Variants in DCDC2 observed in about 807,000 individuals in gnomAD.
The protein encoded by DCDC2 is doublecortin domain containing 2.
DCDC2 carries 40 observed loss-of-function variants against 50.2 expected under a neutral mutation model. The observed-to-expected ratio is 0.80, with a 90% CI of 0.62 to 1.04. The LOEUF is 1.04. DCDC2 is among the 50% of genes least tolerant of loss of function. The pLI, the probability that DCDC2 is intolerant of heterozygous loss-of-function variation, is 0.00. For missense variants in DCDC2, 570 were observed against 581.9 expected, an observed-to-expected ratio of 0.98 and a Z score of 0.21; for synonymous variants, 234 against 210.6, an observed-to-expected ratio of 1.11 and a Z score of -0.96.
chr6:24,315,391 C>T (rs533275265), intron 2 of DCDC2, among the ~76,000 whole-genome samples: 1 of 152,262 alleles, frequency 6.6e-6, no homozygotes, highest in East Asian at 1.9e-4. Context: ...AAGGAAGAGA[C>T]AGGCCCTAAG....
chr6:24,366,579 A>G, the DCDC2 span, among the ~76,000 whole-genome samples: 1 of 152,228 alleles, frequency 6.6e-6, no homozygotes, highest in Admixed American at 6.5e-5. Context: ...TGTTTGTTAA[A>G]TGAATTAATC....
chr6:24,212,093 A>C (rs899840740), intron 7 of DCDC2, among the ~76,000 whole-genome samples: 2 of 151,964 alleles, frequency 1.3e-5, no homozygotes, highest in Non-Finnish European at 2.9e-5. Flanking sequence ...AGGAGCACAA[A>C]CCGTATTGTG....
In DCDC2 at chr6:24,228,164, G is replaced by C. The variant is rs12215925; in HGVS notation, c.923-23062C>G. On this transcript the variant is annotated intron_variant, in intron 7 of 9. Coordinates refer to ENST00000378454, the MANE Select transcript of DCDC2 (RefSeq NM_016356.5). Reference sequence around the variant, plus strand: ...GAAGCTAATGAACAAAAAGAGTTTAGCTCTTAAACAATTAGGTATAAATCA... The same window carrying C: ...GAAGCTAATGAACAAAAAGAGTTTACCTCTTAAACAATTAGGTATAAATCA... Among the ~76,000 whole-genome samples the C allele has an allele frequency of 7.2e-5, 11 of 152,302 alleles. No individual in the cohort carries two copies. The Middle Eastern group carries it at 0.017, about 235-fold the overall frequency.
At chr6:24,259,293 G>A (rs1762960767) in intron 7 of DCDC2, among the ~76,000 whole-genome samples, 1 of 152,132 alleles carries the variant, frequency 6.6e-6, no homozygotes, top group South Asian at 2.1e-4. Flanking sequence ...CTATAAAGAG[G>A]CCGTTGAGAA....
intron 7 of DCDC2, among the ~76,000 whole-genome samples, chr6:24,276,410 T>A (rs1387528019): frequency 1.3e-5 from 1 of 74,384 alleles, no homozygotes; most frequent in African/African-American, 3.3e-5. Flanking sequence ...TAAAAGGCTT[T>A]TAACAAAAAA....
intron 7 of DCDC2, among the ~76,000 whole-genome samples, chr6:24,271,630 G>A (rs572175921): frequency 6.6e-6 from 1 of 152,298 alleles, no homozygotes; most frequent in South Asian, 2.1e-4. Context: ...GGGCAGTTCT[G>A]CATCCTACGA....
chr6:24,234,741 GAC>G (rs1266582680), intron 7 of DCDC2, among the ~76,000 whole-genome samples: 1 of 152,160 alleles, frequency 6.6e-6, no homozygotes, highest in Non-Finnish European at 1.5e-5. Flanking sequence ...TAGAGTAGAA[GAC>G]AGTTTAGTTT....
intron 7 of DCDC2, among the ~76,000 whole-genome samples, chr6:24,261,204 C>CTTTTTTTTTTTT (rs10694761): frequency 7.4e-6 from 1 of 135,750 alleles, no homozygotes; most frequent in Non-Finnish European, 1.5e-5. Context: ...CATTTTCTTG[C>CTTTTTTTTTTTT]TTTTTTTTTT....
rs1043146569 is a variant in DCDC2, at chr6:24,301,998, C to G, written c.395G>C (p.Arg132Thr). The G allele has an allele frequency of 3.7e-6, 6 of 1,613,924 alleles. No individual in the cohort carries two copies. In the African/African-American group the frequency reaches 6.7e-5, roughly 18 times the overall value. The change falls in exon 3 of 10, where the codon AGA (arginine) becomes ACA (threonine). Residue 132 changes from arginine (R) to threonine (T), a missense_variant. Arg to Thr is a moderately conservative substitution (Grantham distance 71). Coordinates refer to ENST00000378454, the MANE Select transcript of DCDC2 (RefSeq NM_016356.5). The stretch of plus-strand genomic sequence containing the variant: ...AGTGCACGGCTCCTGAAGCGGTTTT[C>G]TAAAGCGAGCTGACACGTTGATCCT... ...HSRINVSARF[R>T]KPLQEPCTIF...
At chr6:24,181,598 GAAT>G (rs1385533133) in intron 8 of DCDC2, among the ~76,000 whole-genome samples, 1 of 152,106 alleles carries the variant, frequency 6.6e-6, no homozygotes, top group Non-Finnish European at 1.5e-5. Flanking sequence ...GCATCAAAAG[GAAT>G]AAAACACTTA....
chr6:24,259,504 AAAAAG>A (rs1466897068), intron 7 of DCDC2, among the ~76,000 whole-genome samples: 2 of 152,212 alleles, frequency 1.3e-5, no homozygotes, highest in African/African-American at 4.8e-5. Flanking sequence ...CGGAAACATC[AAAAAG>A]AAAACAAAAA....
chr6:24,214,952 C>T (rs1761944597), intron 7 of DCDC2, among the ~76,000 whole-genome samples: 1 of 152,202 alleles, frequency 6.6e-6, no homozygotes, highest in African/African-American at 2.4e-5. Flanking sequence ...CTTCCTCATG[C>T]TCCCACATGT....
chr6:24,286,069 C>T (rs1763603467), intron 6 of DCDC2, among the ~76,000 whole-genome samples: 1 of 152,164 alleles, frequency 6.6e-6, no homozygotes, highest in South Asian at 2.1e-4. Context: ...GTTTTCACCT[C>T]CTGAAATATT....
chr6:24,243,631 C>T (rs1452213561), intron 7 of DCDC2, among the ~76,000 whole-genome samples: 5 of 152,112 alleles, frequency 3.3e-5, no homozygotes, highest in Non-Finnish European at 7.3e-5. Flanking sequence ...TTATATGGAG[C>T]TGAGAGGCTA....
At position 24,243,471 on chromosome 6, in the gene DCDC2, G is replaced by A. The variant is rs964594216; in HGVS notation, c.922+34578C>T. Among the ~76,000 whole-genome samples, 3 of 152,158 alleles carry A rather than the reference G, an allele frequency of 2.0e-5. 1 individual carries two copies. The highest frequency in any genetic ancestry group is 2.4e-5 in the African/African-American group (1 of 41,446). On this transcript the variant is annotated intron_variant, in intron 7 of 9. Transcript: ENST00000378454. Reference sequence around the variant, plus strand: ...GAGGCTAAAAGAGTCTTACCTCATGGGGTCATTAGGACTCAATGATTTAAT... The same window carrying A: ...GAGGCTAAAAGAGTCTTACCTCATGAGGTCATTAGGACTCAATGATTTAAT...
intron 5 of DCDC2, among the ~76,000 whole-genome samples, chr6:24,289,325 A>G (rs957668251): frequency 2.6e-5 from 4 of 152,232 alleles, no homozygotes; most frequent in Admixed American, 6.5e-5. Context: ...GAGCAGAGGT[A>G]AAACACTGGC....
the DCDC2 span, among the ~76,000 whole-genome samples, chr6:24,380,283 CA>C: frequency 6.6e-6 from 1 of 152,092 alleles, no homozygotes; most frequent in South Asian, 2.1e-4. Flanking sequence ...TTTGTAATGC[CA>C]GAAGTACCAT....
intron 2 of DCDC2, among the ~76,000 whole-genome samples, chr6:24,307,918 C>T (rs1014049811): frequency 2.5e-4 from 38 of 152,064 alleles, no homozygotes; most frequent in Non-Finnish European, 5.1e-4. Context: ...GCAAAGATGT[C>T]TAGATGAACT....
chr6:24,285,570 A>G (rs573315086), intron 6 of DCDC2, among the ~76,000 whole-genome samples: 101 of 152,292 alleles, frequency 6.6e-4, no homozygotes, highest in African/African-American at 2.4e-3. Flanking sequence ...TGTGCCATAC[A>G]CCTGGAAAAT....
Sources: allele counts gnomAD v4.1 joint callset (sites outside exome capture counted in the v4.1 genomes callset), GRCh38; gene constraint gnomAD v4.1.1; transcripts MANE v1.5; gene names NCBI Gene and HGNC (gene_info 2026-07-23, HGNC 2026-07-21).